Variants in ZFHX3 observed in about 807,000 individuals in gnomAD.
ZFHX3 encodes zinc finger homeobox 3, also known as zinc finger homeobox protein 3.
In ZFHX3, 42 loss-of-function variants were observed where a neutral mutation model predicts 279.1. The observed-to-expected ratio is 0.15, with a 90% CI of 0.12 to 0.19. ZFHX3 has a LOEUF of 0.19. Ranked by LOEUF, ZFHX3 falls within the 10% of genes least tolerant of loss-of-function variation. The pLI is 1.00. For synonymous variants in ZFHX3, 2,293 were observed against 1,957.8 expected, an observed-to-expected ratio of 1.17 and a Z score of -4.52; for missense variants, 4,981 against 4,754.0, an observed-to-expected ratio of 1.05 and a Z score of -1.40.
At chr16:73,190,830 GA>G (rs1356119091) in intron 5 of ZFHX3, among the ~76,000 whole-genome samples, 1 of 152,160 alleles carries the variant, frequency 6.6e-6, no homozygotes. Context: ...ATGTGTGGGG[GA>G]GAGCAGAGTG....
intron 2 of ZFHX3, among the ~76,000 whole-genome samples, chr16:73,462,496 T>C (rs566478866): frequency 1.8e-4 from 27 of 152,278 alleles, no homozygotes; most frequent in African/African-American, 6.0e-4. Context: ...TGTTCCTGGT[T>C]ATAGCGGAAA....
intron 1 of ZFHX3, among the ~76,000 whole-genome samples, chr16:73,803,650 C>T (rs1300766987): frequency 6.6e-6 from 1 of 152,082 alleles, no homozygotes; most frequent in Non-Finnish European, 1.5e-5. Flanking sequence ...TATGAATAGG[C>T]AAATGGGTGT....
intron 1 of ZFHX3, among the ~76,000 whole-genome samples, chr16:73,763,389 T>C (rs2053893702): frequency 6.6e-6 from 1 of 152,238 alleles, no homozygotes; most frequent in Admixed American, 6.5e-5. Flanking sequence ...TTCCCATTTC[T>C]TGGTTATTAT....
chr16:72,877,571 GTTTATGTTGTAGTAGAGACGAC>G (rs2038346798), intron 4 of ZFHX3, among the ~76,000 whole-genome samples: 1 of 152,166 alleles, frequency 6.6e-6, no homozygotes, highest in Admixed American at 6.5e-5. Flanking sequence ...CGTGTCTGGT[GTTTATGTTGTAGTAGAGACGAC>G]TCGTCCTCAA....
At chr16:72,973,809 T>C (rs1597039991) in intron 1 of ZFHX3, 1 of 151,934 alleles carries the variant, frequency 6.6e-6, no homozygotes. Flanking sequence ...GAGGTGGAGG[T>C]TGCAGTAAGC....
chr16:73,089,919 C>T (rs1966052143), intron 8 of ZFHX3, among the ~76,000 whole-genome samples: 1 of 152,226 alleles, frequency 6.6e-6, no homozygotes, highest in Admixed American at 6.5e-5. Context: ...AGCTCATCTC[C>T]AGTCTTGATT....
At chr16:73,874,106 A>G (rs1025341136) in intron 1 of ZFHX3, among the ~76,000 whole-genome samples, 6 of 152,200 alleles carry the variant, frequency 3.9e-5, no homozygotes, top group African/African-American at 1.4e-4. Flanking sequence ...GAACATTCAT[A>G]TTATAGGCAC....
At chr16:72,950,276 C>A (rs1445603468) in intron 3 of ZFHX3, among the ~76,000 whole-genome samples, 193 bp downstream of exon 3, 1 of 152,126 alleles carries the variant, frequency 6.6e-6, no homozygotes, top group Non-Finnish European at 1.5e-5. Context: ...AAGCTACTCA[C>A]TGAACCTGTC....
chr16:73,100,963 C>T (rs888473055), intron 7 of ZFHX3, among the ~76,000 whole-genome samples: 1 of 152,142 alleles, frequency 6.6e-6, no homozygotes, highest in Non-Finnish European at 1.5e-5. Context: ...CCCCCAGCAC[C>T]TGACTGCTGC....
At chr16:73,242,507 A>G (rs1955334274) in intron 5 of ZFHX3, among the ~76,000 whole-genome samples, 1 of 152,248 alleles carries the variant, frequency 6.6e-6, no homozygotes, top group Admixed American at 6.5e-5. Context: ...ATACATAAAA[A>G]TAGCTATGAA....
At chr16:73,121,326 T>C (rs1017848784) in intron 7 of ZFHX3, among the ~76,000 whole-genome samples, 3 of 152,198 alleles carry the variant, frequency 2.0e-5, no homozygotes, top group African/African-American at 7.2e-5. Flanking sequence ...ATTGATTGCA[T>C]AGTGAAATGG....
intron 1 of ZFHX3, among the ~76,000 whole-genome samples, chr16:73,821,571 C>G (rs947717067): frequency 1.3e-5 from 2 of 152,224 alleles, no homozygotes; most frequent in African/African-American, 4.8e-5. Flanking sequence ...GATAATGTAT[C>G]AAAGTGCACA....
chr16:73,184,476 A>G (rs528168509), intron 5 of ZFHX3, among the ~76,000 whole-genome samples: 2 of 152,292 alleles, frequency 1.3e-5, no homozygotes, highest in Non-Finnish European at 2.9e-5. Flanking sequence ...GGCTGCTTCT[A>G]AGCCAGGAGG....
chr16:73,406,458 C>G (rs1367576254), intron 3 of ZFHX3, among the ~76,000 whole-genome samples: 1 of 152,212 alleles, frequency 6.6e-6, no homozygotes, highest in East Asian at 1.9e-4. Context: ...CCTGCTTCTG[C>G]TTCTTTACTA....
intron 3 of ZFHX3, among the ~76,000 whole-genome samples, chr16:73,440,430 G>A (rs898735077): frequency 5.9e-5 from 9 of 152,220 alleles, no homozygotes; most frequent in Admixed American, 2.0e-4. Flanking sequence ...AAAAACTGTA[G>A]TCAATCTGCT....
intron 3 of ZFHX3, among the ~76,000 whole-genome samples, chr16:73,419,908 A>T (rs910313476): frequency 6.9e-6 from 1 of 145,740 alleles, no homozygotes; most frequent in Non-Finnish European, 1.5e-5. Flanking sequence ...TAGATAGATA[A>T]TTTTTTTTTT....
At chr16:73,313,836 G>A (rs551217186) in intron 4 of ZFHX3, among the ~76,000 whole-genome samples, 4 of 152,268 alleles carry the variant, frequency 2.6e-5, no homozygotes, top group South Asian at 2.1e-4. Context: ...AGTCAGCCAC[G>A]GTAGCTCACA....
At chr16:72,949,911 CTTTTTTTTT>C (rs774934563) in intron 3 of ZFHX3, among the ~76,000 whole-genome samples, 1 of 116,058 alleles carries the variant, frequency 8.6e-6, no homozygotes, top group Non-Finnish European at 1.7e-5. Flanking sequence ...ATTTTCTTTT[CTTTTTTTTT>C]TTTTTTTTTG....
intron 4 of ZFHX3, among the ~76,000 whole-genome samples, chr16:73,268,068 GTGA>G (rs1404332612): frequency 1.3e-5 from 2 of 152,272 alleles, no homozygotes; most frequent in Admixed American, 1.3e-4. Context: ...TATGGCTATG[GTGA>G]TAAGTGGGAA....
Sources: allele counts gnomAD v4.1 joint callset (sites outside exome capture counted in the v4.1 genomes callset), GRCh38; gene constraint gnomAD v4.1.1; transcripts MANE v1.5; gene names NCBI Gene and HGNC (gene_info 2026-07-23, HGNC 2026-07-21).